PDE8A: variants seen among roughly 807,000 people sequenced by gnomAD.
PDE8A encodes high affinity cAMP-specific and IBMX-insensitive 3',5'-cyclic phosphodiesterase 8A.
Under a neutral mutation model 105.0 loss-of-function variants are expected in PDE8A, and 59 were observed. The ratio of observed to expected loss-of-function variants is 0.56; its 90% CI spans 0.46 to 0.70. The LOEUF (loss-of-function observed/expected upper bound fraction) is 0.70. Ranked by LOEUF, PDE8A falls within the 30% of genes least tolerant of loss-of-function variation. PDE8A has a pLI of 0.00. For missense variants in PDE8A, 1,014 were observed against 1,045.9 expected, an observed-to-expected ratio of 0.97 and a Z score of 0.42; for synonymous variants, 355 against 371.9, an observed-to-expected ratio of 0.95 and a Z score of 0.52.
At chr15:85,013,503 T>A (rs1425193397) in intron 1 of PDE8A, among the ~76,000 whole-genome samples, 3 of 152,200 alleles carry the variant, frequency 2.0e-5, no homozygotes, top group Non-Finnish European at 4.4e-5. Context: ...TTCAATTTAA[T>A]CTATTATATG....
In PDE8A at chr15:85,075,926, T is replaced by A. The variant is rs1207614711; in HGVS notation, c.491+8T>A. 3 of 1,514,016 alleles carry A rather than the reference T, an allele frequency of 2.0e-6. No individual in the cohort carries two copies. The highest frequency in any genetic ancestry group is 1.8e-6 in the Non-Finnish European group (2 of 1,095,020). The allele number at this position is 1,514,016 out of a possible 1,614,324, so 93.8% of individuals were successfully genotyped here. A position where few individuals can be genotyped will look rare whatever the true frequency, so the allele number is the denominator to read the frequency against. ...TGTTGGTGTAGTACGCAGGTAAACT[T>A]TCATTTTTTTAATGTTGAAATTGAG... On this transcript the variant is annotated splice_region_variant and intron_variant, in intron 4 of 21. Coordinates refer to ENST00000394553, the MANE Select transcript of PDE8A (RefSeq NM_002605.3).
chr15:85,116,250 A>AG (rs1491251168), intron 16 of PDE8A, 131 bp downstream of exon 16: 1 of 812,198 alleles, frequency 1.2e-6, no homozygotes, highest in African/African-American at 1.7e-5. Flanking sequence ...AAGGAGTAAC[A>AG]GGGCACCAGG....
chr15:85,067,439 A>G (rs865894425), intron 3 of PDE8A, among the ~76,000 whole-genome samples: 18 of 152,362 alleles, frequency 1.2e-4, no homozygotes, highest in African/African-American at 3.1e-4. Flanking sequence ...ATTAAGGGTC[A>G]AAGTGAAACC....
At chr15:85,076,884 G>GA (rs980889693) in intron 5 of PDE8A, 97 bp downstream of exon 5, 42 of 880,224 alleles carry the variant, frequency 4.8e-5, no homozygotes, top group South Asian at 7.0e-5. Flanking sequence ...TTAATTTGAA[G>GA]AAAAAAAATT....
chr15:85,054,065 A>T (rs1382022605), intron 1 of PDE8A, among the ~76,000 whole-genome samples: 1 of 152,188 alleles, frequency 6.6e-6, no homozygotes, highest in Non-Finnish European at 1.5e-5. Flanking sequence ...TTCTGCATCT[A>T]TTGAGATAAT....
intron 1 of PDE8A, among the ~76,000 whole-genome samples, chr15:85,049,399 A>G (rs1483627562): frequency 1.3e-5 from 2 of 152,028 alleles, no homozygotes; most frequent in African/African-American, 4.8e-5. Context: ...TTCTCTCTAT[A>G]TATTTTGACT....
intron 8 of PDE8A, among the ~76,000 whole-genome samples, chr15:85,097,472 G>A (rs759396593): frequency 6.6e-6 from 1 of 152,226 alleles, no homozygotes; most frequent in East Asian, 1.9e-4. Context: ...CTATATACAG[G>A]GGGTGAAGCC....
chr15:85,051,314 A>G (rs781698745), intron 1 of PDE8A, among the ~76,000 whole-genome samples: 1 of 152,062 alleles, frequency 6.6e-6, no homozygotes, highest in South Asian at 2.1e-4. Context: ...TTTCTTACCT[A>G]ATTGCTCCGG....
Position 85,137,878 on chromosome 15 carries a change from G to A in PDE8A, c.2465G>A (p.Arg822Gln), listed in dbSNP as rs780278500. The change falls in exon 22 of 22, where the codon CGG becomes CAG. Residue 822 changes from arginine to glutamine, a missense_variant. By Grantham distance (43) the Arg-to-Gln change is conservative. Transcript: ENST00000394553. ...YWKGLDEMKL[R>Q]NLRPPPE ...AAAGGACTGGACGAAATGAAGCTGCGGAACCTCCGACCACCTCCTGAATAG... is the reference window on the plus strand; with the variant it reads ...AAAGGACTGGACGAAATGAAGCTGCAGAACCTCCGACCACCTCCTGAATAG... The A allele has an allele frequency of 4.8e-5, 77 of 1,611,362 alleles. No individual in the cohort carries two copies. Among genetic ancestry groups the A allele is most frequent in the East Asian group, 4.5e-5 (2 of 44,872 alleles).
chr15:84,987,403 T>G (rs2079819792), intron 1 of PDE8A, among the ~76,000 whole-genome samples: 1 of 151,808 alleles, frequency 6.6e-6, no homozygotes, highest in Non-Finnish European at 1.5e-5. Flanking sequence ...GGCGCAAATG[T>G]TTCCTGTGAA....
intron 1 of PDE8A, among the ~76,000 whole-genome samples, chr15:84,986,803 G>A (rs1038761526): frequency 6.6e-6 from 1 of 151,668 alleles, no homozygotes; most frequent in African/African-American, 2.4e-5. Context: ...TTGTCGAGAC[G>A]AGATCTTGCT....
At position 84,992,819 on chromosome 15, in the gene PDE8A, A is replaced by G. The variant is rs576142840; in HGVS notation, c.186+10471A>G. Among the ~76,000 whole-genome samples, 6 of 152,274 alleles carry G rather than the reference A, an allele frequency of 3.9e-5. No individual in the cohort carries two copies. In the South Asian group the frequency reaches 6.2e-4, roughly 16 times the overall value. ...CATGCCACAATTTGTACAGTGCTTT[A>G]TGGTTTACCAAATGCTATTTTTGTA... On this transcript the variant is annotated intron_variant, in intron 1 of 21. Transcript: ENST00000394553.
chr15:85,054,726 G>T (rs1172923688), intron 1 of PDE8A, among the ~76,000 whole-genome samples: 1 of 152,000 alleles, frequency 6.6e-6, no homozygotes, highest in Non-Finnish European at 1.5e-5. Context: ...TCTTGCTAGC[G>T]GTCTGTCGAT....
At chr15:85,023,464 G>C (rs1360101766) in intron 1 of PDE8A, among the ~76,000 whole-genome samples, 1 of 152,198 alleles carries the variant, frequency 6.6e-6, no homozygotes, top group Non-Finnish European at 1.5e-5. Flanking sequence ...AGTGGGACAA[G>C]AGGGTTGGAC....
At chr15:85,087,096 C>A (rs1227449257) in intron 6 of PDE8A, among the ~76,000 whole-genome samples, 1 of 145,334 alleles carries the variant, frequency 6.9e-6, no homozygotes, top group Admixed American at 6.9e-5. Flanking sequence ...TACATATTAT[C>A]TCCTGGTTTT....
At chr15:85,017,625 G>A (rs577817600) in intron 1 of PDE8A, among the ~76,000 whole-genome samples, 33 of 152,202 alleles carry the variant, frequency 2.2e-4, no homozygotes, top group African/African-American at 3.4e-4. Context: ...GGTGGCTCAC[G>A]CCTGTAATCC....
At chr15:85,019,942 G>GTT (rs2080394468) in intron 1 of PDE8A, among the ~76,000 whole-genome samples, 1 of 82,840 alleles carries the variant, frequency 1.2e-5, no homozygotes, top group African/African-American at 4.8e-5. Context: ...GTTTTTTTTT[G>GTT]GTTTTTTTTT....
intron 2 of PDE8A, 56 bp downstream of exon 2, chr15:85,064,482 A>T: frequency 1.8e-6 from 2 of 1,135,794 alleles, no homozygotes; most frequent in Non-Finnish European, 2.7e-6. Flanking sequence ...AAAAGGGTGG[A>T]GGTGGAGCTA....
chr15:85,030,818 G>A (rs527597225), intron 1 of PDE8A, among the ~76,000 whole-genome samples: 1 of 152,224 alleles, frequency 6.6e-6, no homozygotes, highest in East Asian at 1.9e-4. Context: ...CACTCCTTTG[G>A]AAAACTTTTG....
Sources: gnomAD v4.1 joint callset for allele counts (sites outside exome capture counted in the v4.1 genomes callset) on GRCh38, gnomAD v4.1.1 for gene constraint, MANE v1.5 for transcripts, NCBI Gene and HGNC (gene_info 2026-07-23, HGNC 2026-07-21) for gene names.